Variants in VPS26A observed in about 807,000 individuals in gnomAD.
The protein encoded by VPS26A is vacuolar protein sorting-associated protein 26A.
VPS26A carries 22 observed loss-of-function variants against 42.4 expected under a neutral mutation model. That is an observed-to-expected ratio of 0.52 (90% CI 0.37 to 0.74). VPS26A has a LOEUF of 0.74. Among genes scored for constraint, VPS26A ranks in the 30% least tolerant of loss-of-function variants. The probability of loss-of-function intolerance (pLI) is 0.00; values close to 1 mark genes in which losing one functional copy is unlikely to be tolerated. For missense variants in VPS26A, 276 were observed against 379.2 expected (o/e 0.73, Z 2.26); for synonymous variants, 110 against 123.5 (o/e 0.89, Z 0.73).
In VPS26A at chr10:69,134,170, A is replaced by G. The variant is rs554393469; in HGVS notation, c.153+1123A>G. 2.4e-4 allele frequency among the ~76,000 whole-genome samples: 37 copies of G among 152,282 alleles called. 1 individual carries two copies. The South Asian group carries it at 4.4e-3, about 18-fold the overall frequency. ...TATTCATGTGGTAGACAGTTTTGGA[A>G]ATATATATAATCTCTTCATATAGAA... is the stretch of plus-strand genomic sequence containing the variant. On this transcript the variant is annotated intron_variant, in intron 2 of 8. Coordinates refer to ENST00000263559, the MANE Select transcript of VPS26A (RefSeq NM_004896.5).
chr10:69,166,395 A>G (rs1299211228), intron 7 of VPS26A, among the ~76,000 whole-genome samples: 1 of 152,062 alleles, frequency 6.6e-6, no homozygotes, highest in East Asian at 1.9e-4. Flanking sequence ...CTTCTATTAT[A>G]CAATAGTTCG....
intron 2 of VPS26A, among the ~76,000 whole-genome samples, chr10:69,139,375 C>G (rs778687033): frequency 2.6e-5 from 4 of 152,154 alleles, no homozygotes; most frequent in Admixed American, 6.5e-5. Context: ...ATAATCTCGG[C>G]TCACTGCAAC....
Position 69,158,124 on chromosome 10 carries a change from C to T in VPS26A, c.464C>T (p.Ala155Val). 8 of 1,613,094 alleles carry T rather than the reference C, an allele frequency of 5.0e-6. No homozygotes were observed. The highest frequency in any genetic ancestry group is 6.8e-6 in the Non-Finnish European group (8 of 1,179,514). ...TATGATCTTATTGTTCACCAGCTTGCCACCTATCCTGATGTTAACAACTCT... is the reference window on the plus strand; with the variant it reads ...TATGATCTTATTGTTCACCAGCTTGTCACCTATCCTGATGTTAACAACTCT... ...KEYDLIVHQL[A>V]TYPDVNNSIK... is the part of the protein sequence containing the mutation. The change falls in exon 5 of 9, where the codon GCC becomes GTC. Residue 155 changes from alanine (A) to valine (V), a missense_variant. Coordinates refer to ENST00000263559, the MANE Select transcript of VPS26A (RefSeq NM_004896.5).
chr10:69,165,389 A>C (rs1332369403), intron 6 of VPS26A, among the ~76,000 whole-genome samples: 2 of 152,226 alleles, frequency 1.3e-5, no homozygotes, highest in Non-Finnish European at 2.9e-5. Context: ...AGAGGTCCTG[A>C]GAACATGTAC....
At chr10:69,149,714 T>G (rs574623229) in intron 2 of VPS26A, among the ~76,000 whole-genome samples, 1 of 148,378 alleles carries the variant, frequency 6.7e-6, no homozygotes, top group East Asian at 2.0e-4. Context: ...CATGGAATGT[T>G]AACTTTCTTG....
At chr10:69,127,114 T>TTTC (rs1416441347) in intron 1 of VPS26A, among the ~76,000 whole-genome samples, 1 of 144,504 alleles carries the variant, frequency 6.9e-6, no homozygotes, top group Non-Finnish European at 1.5e-5. Flanking sequence ...TTTTTTTTTT[T>TTTC]TTTGTATTTT....
intron 6 of VPS26A, among the ~76,000 whole-genome samples, chr10:69,162,795 G>A (rs1428606945): frequency 6.6e-6 from 1 of 152,086 alleles, no homozygotes; most frequent in Non-Finnish European, 1.5e-5. Flanking sequence ...CTGTACTCTA[G>A]CTACTCATAG....
At chr10:69,157,982 C>T in intron 4 of VPS26A, 65 bp from the exon 5 acceptor site, 3 of 1,390,076 alleles carry the variant, frequency 2.2e-6, no homozygotes, top group South Asian at 1.6e-5. Flanking sequence ...TTAATGTTTG[C>T]TGATTTAAAA....
At chr10:69,165,485 G>A (rs1452599053) in intron 6 of VPS26A, among the ~76,000 whole-genome samples, 2 of 151,970 alleles carry the variant, frequency 1.3e-5, no homozygotes. Context: ...CTCCTTTGTT[G>A]TTTCAAACAA....
chr10:69,158,228 G>A lies in VPS26A; in HGVS notation c.551+17G>A, dbSNP rs1238601345. The stretch of plus-strand genomic sequence containing the variant: ...TAAATCAAAGTAAGTATCATTCACA[G>A]ATAAGTTGTTCAGAGAAAATTCAAA... On this transcript the variant is annotated intron_variant, in intron 5 of 8. Transcript: ENST00000263559. The A allele has an allele frequency of 1.3e-6, 2 of 1,552,156 alleles. No individual in the cohort carries two copies. The highest frequency in any genetic ancestry group is 2.8e-5 in the African/African-American group (2 of 71,798).
At chr10:69,131,325 C>T (rs558521666) in intron 1 of VPS26A, among the ~76,000 whole-genome samples, 2 of 152,190 alleles carry the variant, frequency 1.3e-5, no homozygotes, top group African/African-American at 2.4e-5. Context: ...CAGTGGCTCA[C>T]GCCCATAATC....
chr10:69,167,742 C>CAAA (rs35974356), intron 7 of VPS26A, among the ~76,000 whole-genome samples: 37 of 66,302 alleles, frequency 5.6e-4, no homozygotes, highest in African/African-American at 1.1e-3. Flanking sequence ...GACTCCATCT[C>CAAA]AAAAAAAAAA....
At chr10:69,164,576 T>A (rs1341748160) in intron 6 of VPS26A, among the ~76,000 whole-genome samples, 1 of 152,182 alleles carries the variant, frequency 6.6e-6, no homozygotes, top group Non-Finnish European at 1.5e-5. Context: ...TTTGTGGTGG[T>A]TCATGCCATG....
chr10:69,139,952 T>C (rs1231906178), intron 2 of VPS26A, among the ~76,000 whole-genome samples: 1 of 152,204 alleles, frequency 6.6e-6, no homozygotes, highest in Non-Finnish European at 1.5e-5. Flanking sequence ...AGTTTTGATC[T>C]ATCTTGTCTG....
At chr10:69,126,967 A>T (rs1204328703) in intron 1 of VPS26A, among the ~76,000 whole-genome samples, 9 of 150,940 alleles carry the variant, frequency 6.0e-5, no homozygotes, top group Admixed American at 2.6e-4. Flanking sequence ...TATTATTATT[A>T]TTATTTTTTG....
chr10:69,131,390 C>A (rs1475535945), intron 1 of VPS26A, among the ~76,000 whole-genome samples: 1 of 151,992 alleles, frequency 6.6e-6, no homozygotes. Flanking sequence ...GAGTTTGAGA[C>A]CAGCCTGGGC....
intron 2 of VPS26A, among the ~76,000 whole-genome samples, chr10:69,141,110 C>A (rs1390530506): frequency 6.6e-6 from 1 of 152,176 alleles, no homozygotes; most frequent in African/African-American, 2.4e-5. Context: ...ATGTTGCCAT[C>A]TTCCCAGAAA....
intron 2 of VPS26A, among the ~76,000 whole-genome samples, chr10:69,134,329 T>G (rs1840856226): frequency 6.6e-6 from 1 of 152,220 alleles, no homozygotes; most frequent in South Asian, 2.1e-4. Context: ...TTCAGATGGC[T>G]TTCTTCATAT....
chr10:69,136,325 C>T (rs1365630595), intron 2 of VPS26A, among the ~76,000 whole-genome samples: 3 of 150,368 alleles, frequency 2.0e-5, no homozygotes, highest in South Asian at 2.1e-4. Flanking sequence ...AGTGCAGTGG[C>T]GTGATCTTGG....
Sources: allele counts gnomAD v4.1 joint callset (sites outside exome capture counted in the v4.1 genomes callset), GRCh38; gene constraint gnomAD v4.1.1; transcripts MANE v1.5; gene names NCBI Gene and HGNC (gene_info 2026-07-23, HGNC 2026-07-21).